Variants in HIVEP2 observed in about 807,000 individuals in gnomAD.
The protein encoded by HIVEP2 is transcription factor HIVEP2.
HIVEP2 carries 14 observed loss-of-function variants against 180.7 expected under a neutral mutation model. That is an observed-to-expected ratio of 0.08 (90% CI 0.05 to 0.12). The LOEUF is 0.12. HIVEP2 is among the 10% of genes least tolerant of loss of function. HIVEP2 has a pLI of 1.00. For missense variants in HIVEP2, 2,579 were observed against 3,008.5 expected, an observed-to-expected ratio of 0.86 and a Z score of 3.34; for synonymous variants, 1,184 against 1,136.4, an observed-to-expected ratio of 1.04 and a Z score of -0.84.
In HIVEP2 at chr6:142,818,793, A is replaced by G. The variant is rs574483614; in HGVS notation, c.-528+18142T>C. Among the ~76,000 whole-genome samples, 882 of 131,772 alleles carry G rather than the reference A, an allele frequency of 6.7e-3. 4 individuals carry two copies. The highest frequency in any genetic ancestry group is 0.021 in the South Asian group (84 of 3,968). 86.4% of individuals were successfully genotyped at this position (131,772 alleles called of 152,430 possible). A position where few individuals can be genotyped will look rare whatever the true frequency, so the allele number is the denominator to read the frequency against. ...AGAAAGAAAGAAAGAAAGAAAGAAA[A>G]AGAAAAGAAAAAGAAAAGAAAAAAA... On this transcript the variant is annotated intron_variant, in intron 2 of 9. Coordinates refer to ENST00000367603, the MANE Select transcript of HIVEP2 (RefSeq NM_006734.4).
intron 2 of HIVEP2, among the ~76,000 whole-genome samples, chr6:142,807,008 G>A (rs1776570525): frequency 6.6e-6 from 1 of 152,132 alleles, no homozygotes; most frequent in South Asian, 2.1e-4. Flanking sequence ...TGTATTTCTT[G>A]TTAGAGTAAT....
chr6:142,945,595 G>A (rs1028336404), upstream of HIVEP2, among the ~76,000 whole-genome samples: 1 of 152,220 alleles, frequency 6.6e-6, no homozygotes, highest in Non-Finnish European at 1.5e-5. This position sits in a 1 kb window ranked among gnomAD's most constrained non-coding sequence, Gnocchi z 5.5. Context: ...GCGAGACGTG[G>A]AGGAACGCTG....
intron 1 of HIVEP2, among the ~76,000 whole-genome samples, chr6:142,926,879 G>C (rs1054027146): frequency 6.6e-6 from 1 of 152,012 alleles, no homozygotes; most frequent in South Asian, 2.1e-4. Context: ...GGCAGGAAGG[G>C]GGGAGGCCGA....
At chr6:142,785,044 C>G (rs1023196854) in intron 2 of HIVEP2, among the ~76,000 whole-genome samples, 1 of 151,752 alleles carries the variant, frequency 6.6e-6, no homozygotes, top group Admixed American at 6.6e-5. Context: ...CCCACCACCA[C>G]GCCCAGCTAA....
intron 2 of HIVEP2, among the ~76,000 whole-genome samples, chr6:142,802,876 T>C (rs1776447815): frequency 6.6e-6 from 1 of 152,202 alleles, no homozygotes; most frequent in South Asian, 2.1e-4. Flanking sequence ...TCCTGCCATG[T>C]TTCTGTAGCT....
At chr6:142,908,941 T>C (rs181119531) in intron 1 of HIVEP2, among the ~76,000 whole-genome samples, 2 of 149,850 alleles carry the variant, frequency 1.3e-5, no homozygotes, top group African/African-American at 4.9e-5. Flanking sequence ...GAACCAAGCA[T>C]AATTTAACCT....
intron 1 of HIVEP2, among the ~76,000 whole-genome samples, chr6:142,908,630 G>A (rs1348199211): frequency 6.6e-6 from 1 of 152,042 alleles, no homozygotes; most frequent in Non-Finnish European, 1.5e-5. Context: ...AAATTTAAAG[G>A]AGTGATTTAG....
rs1357303699 is a variant in HIVEP2, at chr6:142,751,927, A to T, written c.*1180T>A. On this transcript the variant is annotated 3_prime_UTR_variant, in exon 10 of 10. Transcript: ENST00000367603. ...TCTCCTTTTCCCCCTTCCACACCCAACCCTCAGAGTCCAAGTGCGACCCTC... is the reference window on the plus strand; with the variant it reads ...TCTCCTTTTCCCCCTTCCACACCCATCCCTCAGAGTCCAAGTGCGACCCTC... The T allele has an allele frequency of 6.5e-6, 1 of 152,710 alleles. No homozygotes were observed. Among genetic ancestry groups the T allele is most frequent in the African/African-American group, 2.4e-5 (1 of 41,388 alleles). 9.5% of individuals were successfully genotyped at this position (152,710 alleles called of 1,614,324 possible).
intron 2 of HIVEP2, among the ~76,000 whole-genome samples, chr6:142,817,196 A>T (rs1177347530): frequency 6.6e-6 from 1 of 152,246 alleles, no homozygotes; most frequent in African/African-American, 2.4e-5. Flanking sequence ...GAAATGTAAT[A>T]GTACCTTCTT....
At chr6:142,781,019 A>G (rs1404277196) in intron 3 of HIVEP2, among the ~76,000 whole-genome samples, 6 of 152,222 alleles carry the variant, frequency 3.9e-5, no homozygotes, top group Non-Finnish European at 8.8e-5. Flanking sequence ...TCAGGAAAAT[A>G]CTTTCTTTGG....
chr6:142,913,837 A>G (rs1777481862), intron 1 of HIVEP2, among the ~76,000 whole-genome samples: 1 of 152,220 alleles, frequency 6.6e-6, no homozygotes, highest in Admixed American at 6.5e-5. Flanking sequence ...TTCATCGTCA[A>G]CATTCCAGAT....
At chr6:142,783,111 C>T (rs1194035042) in intron 3 of HIVEP2, among the ~76,000 whole-genome samples, 2 of 151,908 alleles carry the variant, frequency 1.3e-5, no homozygotes, top group Middle Eastern at 3.4e-3. Context: ...TTTGGGAGGC[C>T]GAGGTCAAGA....
intron 2 of HIVEP2, among the ~76,000 whole-genome samples, chr6:142,820,297 T>TTCTCTCTCTCTCTA (rs1776994582): frequency 6.7e-6 from 1 of 148,282 alleles, no homozygotes; most frequent in African/African-American, 2.5e-5. Context: ...TCGCTCTCTC[T>TTCTCTCTCTCTCTA]TCTCTCTCTC....
At chr6:142,863,586 T>C (rs935878411) in intron 1 of HIVEP2, among the ~76,000 whole-genome samples, 2 of 152,182 alleles carry the variant, frequency 1.3e-5, no homozygotes, top group African/African-American at 4.8e-5. Context: ...AGAGATTTAA[T>C]TGAGTTCTCA....
At chr6:142,834,846 A>C (rs962288999) in intron 2 of HIVEP2, among the ~76,000 whole-genome samples, 4 of 152,042 alleles carry the variant, frequency 2.6e-5, no homozygotes, top group South Asian at 2.1e-4. Context: ...TGAAAAAAAA[A>C]CCCTCATTTG....
intron 1 of HIVEP2, among the ~76,000 whole-genome samples, chr6:142,901,339 T>G (rs1224602439): frequency 6.6e-6 from 1 of 152,212 alleles, no homozygotes; most frequent in Non-Finnish European, 1.5e-5. Flanking sequence ...TTCTCTGATA[T>G]GATAAACCTA....
At chr6:142,827,894 A>T (rs1774956904) in intron 2 of HIVEP2, among the ~76,000 whole-genome samples, 1 of 152,182 alleles carries the variant, frequency 6.6e-6, no homozygotes, top group South Asian at 2.1e-4. Context: ...TTTGCCCATT[A>T]AGGAGAAGTC....
intron 1 of HIVEP2, among the ~76,000 whole-genome samples, chr6:142,920,319 G>A (rs925645701): frequency 1.3e-5 from 2 of 152,106 alleles, no homozygotes; most frequent in Admixed American, 6.5e-5. Context: ...CCAAAGGTTC[G>A]GCATGCAGAG....
chr6:142,890,420 T>C (rs958106834), intron 1 of HIVEP2, among the ~76,000 whole-genome samples: 3 of 152,224 alleles, frequency 2.0e-5, no homozygotes, highest in East Asian at 3.8e-4. Flanking sequence ...TCTAAATTCA[T>C]TGAAGGTAGA....
Sources: allele counts gnomAD v4.1 joint callset (sites outside exome capture counted in the v4.1 genomes callset), GRCh38; gene constraint gnomAD v4.1.1; non-coding constraint Gnocchi (gnomAD v3.1); transcripts MANE v1.5; gene names NCBI Gene and HGNC (gene_info 2026-07-23, HGNC 2026-07-21).